The following CDH18 variants were observed in gnomAD, a reference collection of about 807,000 sequenced individuals.
CDH18 encodes cadherin 18.
A neutral mutation model predicts 67.9 loss-of-function variants in CDH18; 31 were observed. The observed-to-expected ratio is 0.46, with a 90% CI of 0.34 to 0.62. The LOEUF is 0.62. Ranked by LOEUF, CDH18 falls within the 20% of genes least tolerant of loss-of-function variation. CDH18 has a pLI of 0.01. For synonymous variants in CDH18, 362 were observed against 347.2 expected (o/e 1.04, Z -0.48); for missense variants, 890 against 975.5 (o/e 0.91, Z 1.17).
chr5:19,758,321 C>G (rs1771897202), intron 3 of CDH18, among the ~76,000 whole-genome samples: 2 of 152,166 alleles, frequency 1.3e-5, no homozygotes, highest in South Asian at 4.1e-4. Flanking sequence ...AGGCCAAGAG[C>G]TGCCTCTCAA....
At chr5:19,827,986 A>G (rs1184427825) in intron 3 of CDH18, among the ~76,000 whole-genome samples, 2 of 152,192 alleles carry the variant, frequency 1.3e-5, no homozygotes, top group Non-Finnish European at 2.9e-5. Flanking sequence ...CTAGACTAAT[A>G]AAGTAAAAAA....
intron 3 of CDH18, among the ~76,000 whole-genome samples, chr5:19,836,181 A>C (rs1037084984): frequency 6.6e-6 from 1 of 152,134 alleles, no homozygotes; most frequent in Non-Finnish European, 1.5e-5. Context: ...CTCTTGGTTT[A>C]TTCCAAAAAG....
At chr5:19,531,432 G>T (rs7734519) in intron 9 of CDH18, among the ~76,000 whole-genome samples, 4 of 151,880 alleles carry the variant, frequency 2.6e-5, no homozygotes, top group Admixed American at 2.6e-4. Flanking sequence ...TTAGAATGAC[G>T]GGGAAAAATA....
intron 5 of CDH18, among the ~76,000 whole-genome samples, chr5:19,665,381 T>C (rs1409521960): frequency 6.6e-6 from 1 of 152,030 alleles, no homozygotes; most frequent in Non-Finnish European, 1.5e-5. Flanking sequence ...ATTAAAATTA[T>C]CAATCTATAT....
At chr5:19,590,990 C>A (rs992781194) in intron 7 of CDH18, 67 bp downstream of exon 7, 10 of 976,820 alleles carry the variant, frequency 1.0e-5, no homozygotes, top group Non-Finnish European at 1.5e-5. Flanking sequence ...ATTCATGCCT[C>A]TGCCAAATTT....
At chr5:20,475,285 GA>G (rs1461684694) in intron 1 of CDH18, among the ~76,000 whole-genome samples, 4 of 149,748 alleles carry the variant, frequency 2.7e-5, no homozygotes, top group Non-Finnish European at 5.9e-5. Context: ...AGCATTTGCT[GA>G]TTTTTTTTTA....
chr5:20,517,196 TAAC>T (rs1755431136), intron 1 of CDH18, among the ~76,000 whole-genome samples: 1 of 151,830 alleles, frequency 6.6e-6, no homozygotes, highest in African/African-American at 2.4e-5. Context: ...TATTTACTAA[TAAC>T]AATTTATTAT....
At chr5:20,547,732 C>T (rs1272746031) in intron 1 of CDH18, among the ~76,000 whole-genome samples, 4 of 151,888 alleles carry the variant, frequency 2.6e-5, no homozygotes, top group Non-Finnish European at 4.4e-5. Flanking sequence ...TATGATAATG[C>T]CTGCTACAAA....
At chr5:19,812,209 T>A (rs1412500006) in intron 3 of CDH18, among the ~76,000 whole-genome samples, 1 of 152,058 alleles carries the variant, frequency 6.6e-6, no homozygotes, top group Non-Finnish European at 1.5e-5. Flanking sequence ...TAGAGTACAG[T>A]CATAGTTCAG....
intron 1 of CDH18, among the ~76,000 whole-genome samples, chr5:20,446,807 T>G (rs1335024896): frequency 6.6e-6 from 1 of 152,162 alleles, no homozygotes; most frequent in Non-Finnish European, 1.5e-5. Context: ...GATCTGTCCT[T>G]CTATGAAAAA....
intron 1 of CDH18, among the ~76,000 whole-genome samples, chr5:20,483,294 C>T (rs60624499): frequency 0.013 from 2,048 of 152,014 alleles, 57 homozygotes; most frequent in African/African-American, 0.047. Context: ...AAAAGATATT[C>T]CATATTTTTG....
intron 3 of CDH18, among the ~76,000 whole-genome samples, chr5:19,781,470 C>A (rs773770592): frequency 3.9e-5 from 6 of 151,998 alleles, no homozygotes; most frequent in Non-Finnish European, 7.4e-5. Context: ...AAAGAGAAAA[C>A]AACAAAGAGC....
intron 6 of CDH18, among the ~76,000 whole-genome samples, chr5:19,592,883 T>TAAA: frequency 6.6e-6 from 1 of 152,142 alleles, no homozygotes; most frequent in South Asian, 2.1e-4. Flanking sequence ...TGAATTTTAC[T>TAAA]ATTTTAGATA....
chr5:20,503,353 G>T (rs1401766345), intron 1 of CDH18, among the ~76,000 whole-genome samples: 1 of 150,836 alleles, frequency 6.6e-6, no homozygotes, highest in African/African-American at 2.4e-5. Flanking sequence ...TGACATAGTT[G>T]GATAAGTTAA....
chr5:20,542,465 A>G (rs918056508), intron 1 of CDH18, among the ~76,000 whole-genome samples: 3 of 151,668 alleles, frequency 2.0e-5, no homozygotes, highest in African/African-American at 7.3e-5. Flanking sequence ...ACATACACAT[A>G]TGTATACACA....
intron 2 of CDH18, among the ~76,000 whole-genome samples, chr5:20,250,279 ATTTT>A (rs199537266): frequency 9.9e-5 from 11 of 110,938 alleles, no homozygotes; most frequent in African/African-American, 3.2e-4. Context: ...TGACAATTTT[ATTTT>A]TTTTTTTATT....
chr5:20,466,795 T>C (rs981362712), intron 1 of CDH18, among the ~76,000 whole-genome samples: 2 of 152,144 alleles, frequency 1.3e-5, no homozygotes, highest in Non-Finnish European at 2.9e-5. Context: ...TCTTCCATCA[T>C]GCCTGCCACA....
chr5:20,015,487 TAGAA>T (rs1737802004), intron 2 of CDH18, among the ~76,000 whole-genome samples: 1 of 152,120 alleles, frequency 6.6e-6, no homozygotes, highest in South Asian at 2.1e-4. Flanking sequence ...TAGAAAAACT[TAGAA>T]AGACTAACAC....
At chr5:19,875,102 C>T (rs1378238730) in intron 2 of CDH18, among the ~76,000 whole-genome samples, 2 of 152,172 alleles carry the variant, frequency 1.3e-5, no homozygotes, top group Admixed American at 6.5e-5. Flanking sequence ...CTGCATCCAA[C>T]CATAATCCTC....
Sources: allele counts gnomAD v4.1 joint callset (sites outside exome capture counted in the v4.1 genomes callset), GRCh38; gene constraint gnomAD v4.1.1; transcripts MANE v1.5; gene names NCBI Gene and HGNC (gene_info 2026-07-23, HGNC 2026-07-21).